The following CCNY variants were observed in gnomAD, a reference collection of about 807,000 sequenced individuals.
CCNY encodes the protein cyclin-Y.
CCNY carries 19 observed loss-of-function variants against 42.8 expected under a neutral mutation model. The ratio of observed to expected loss-of-function variants is 0.44; its 90% confidence interval spans 0.31 to 0.65. CCNY has a LOEUF of 0.65. CCNY is among the 30% of genes least tolerant of loss of function. The probability of loss-of-function intolerance (pLI) is 0.07; values close to 1 mark genes in which losing one functional copy is unlikely to be tolerated. For missense variants in CCNY, 370 were observed against 437.3 expected, an observed-to-expected ratio of 0.85 and a Z score of 1.37; for synonymous variants, 165 against 162.7, an observed-to-expected ratio of 1.01 and a Z score of -0.11.
chr10:35,292,963 A>T (rs1835432107), intron 3 of CCNY, among the ~76,000 whole-genome samples: 3 of 151,126 alleles, frequency 2.0e-5, no homozygotes, highest in Non-Finnish European at 4.4e-5. Context: ...TATTTTTATT[A>T]AAGACAGGGT....
At chr10:35,511,959 A>G (rs1840333728) in intron 3 of CCNY, among the ~76,000 whole-genome samples, 1 of 152,226 alleles carries the variant, frequency 6.6e-6, no homozygotes. Flanking sequence ...TGACAGTAGC[A>G]CTTGAAGAAG....
intron 3 of CCNY, among the ~76,000 whole-genome samples, chr10:35,507,709 G>A (rs1042262068): frequency 2.6e-5 from 4 of 151,932 alleles, no homozygotes; most frequent in African/African-American, 4.8e-5. Context: ...TGGCATGCAC[G>A]CTCTATGTCC....
intron 8 of CCNY, among the ~76,000 whole-genome samples, chr10:35,558,887 C>T (rs2135457457): frequency 1.3e-5 from 2 of 152,298 alleles, no homozygotes; most frequent in South Asian, 4.1e-4. Flanking sequence ...TAGCCCTAGC[C>T]AACTAATACA....
intron 3 of CCNY, among the ~76,000 whole-genome samples, chr10:35,287,621 T>C (rs1011312131): frequency 2.0e-5 from 3 of 152,196 alleles, no homozygotes; most frequent in Non-Finnish European, 2.9e-5. Flanking sequence ...TCACTCAGCA[T>C]AATATTTTTG....
chr10:35,487,775 T>C (rs1299763722), intron 2 of CCNY, among the ~76,000 whole-genome samples: 1 of 152,136 alleles, frequency 6.6e-6, no homozygotes, highest in African/African-American at 2.4e-5. Flanking sequence ...GAGGATGACA[T>C]TGCAGACTTT....
intron 1 of CCNY, among the ~76,000 whole-genome samples, chr10:35,375,910 T>G (rs1047270489): frequency 6.6e-6 from 1 of 151,832 alleles, no homozygotes; most frequent in African/African-American, 2.4e-5. Flanking sequence ...AGGGTGAGAA[T>G]AGAGTGGTGG....
chr10:35,291,277 G>A (rs1176153810), intron 3 of CCNY, among the ~76,000 whole-genome samples: 1 of 152,088 alleles, frequency 6.6e-6, no homozygotes, highest in Admixed American at 6.6e-5. Context: ...ATAGTGCTGG[G>A]ATTACAGGTG....
At chr10:35,416,155 G>A (rs533847371) in intron 1 of CCNY, among the ~76,000 whole-genome samples, 2 of 145,430 alleles carry the variant, frequency 1.4e-5, no homozygotes, top group South Asian at 2.2e-4. Flanking sequence ...GAAACTTGTG[G>A]CACCCGTGTG....
chr10:35,336,107 CAAAA>C (rs1335597007), upstream of CCNY: 3 of 152,276 alleles, frequency 2.0e-5, no homozygotes, highest in East Asian at 5.8e-4. Flanking sequence ...AATAAAAAGA[CAAAA>C]AGAGCCAGCC....
intron 3 of CCNY, among the ~76,000 whole-genome samples, chr10:35,509,405 A>G (rs533767493): frequency 2.6e-4 from 40 of 152,116 alleles, no homozygotes; most frequent in Non-Finnish European, 4.3e-4. Context: ...CCTCCTGAGT[A>G]GCTGGGATTA....
intron 1 of CCNY, among the ~76,000 whole-genome samples, chr10:35,396,677 T>C (rs1167300813): frequency 1.3e-5 from 2 of 152,204 alleles, no homozygotes; most frequent in Non-Finnish European, 2.9e-5. Flanking sequence ...TCAGGGACGC[T>C]TCCCATGAGA....
intron 1 of CCNY, among the ~76,000 whole-genome samples, chr10:35,364,311 AG>A (rs1836763826): frequency 6.6e-6 from 1 of 152,272 alleles, no homozygotes; most frequent in Admixed American, 6.5e-5. Context: ...ATTTAACAAA[AG>A]CTTCTTTTTG....
At chr10:35,426,426 A>G (rs1838275507) in intron 1 of CCNY, among the ~76,000 whole-genome samples, 1 of 152,194 alleles carries the variant, frequency 6.6e-6, no homozygotes, top group African/African-American at 2.4e-5. Context: ...AAAACACCAC[A>G]GTTCAAACTC....
intron 1 of CCNY, chr10:35,434,147 G>A (rs899324152): frequency 5.3e-5 from 8 of 152,314 alleles, no homozygotes; most frequent in East Asian, 1.9e-4. Context: ...GCATGAAGGC[G>A]GATGAGGCCC....
At position 35,261,340 on chromosome 10, in the gene CCNY, C is replaced by T. The variant is rs112171241; in HGVS notation, c.-9+10714C>T. Reference sequence around the variant, plus strand: ...GCAACCTCCGCCTTCTGGGTTCAAGCGATTTTGCTGCCTCAGCTTCCCAAG... The same window carrying T: ...GCAACCTCCGCCTTCTGGGTTCAAGTGATTTTGCTGCCTCAGCTTCCCAAG... On this transcript the variant is annotated intron_variant, in intron 3 of 11. Coordinates refer to the CCNY transcript ENST00000374706. 1.6e-4 allele frequency among the ~76,000 whole-genome samples: 24 copies of T among 150,484 alleles called. 1 individual carries two copies. The highest frequency in any genetic ancestry group is 4.2e-4 in the South Asian group (2 of 4,762).
intron 5 of CCNY, among the ~76,000 whole-genome samples, chr10:35,528,291 C>A (rs1387788416): frequency 1.3e-5 from 2 of 152,322 alleles, no homozygotes; most frequent in Non-Finnish European, 2.9e-5. Context: ...CTGCTTTTTG[C>A]TCACAGACTA....
At chr10:35,408,930 C>T (rs561674074) in intron 1 of CCNY, among the ~76,000 whole-genome samples, 3 of 151,694 alleles carry the variant, frequency 2.0e-5, no homozygotes, top group African/African-American at 7.3e-5. Flanking sequence ...CTCCCATTAC[C>T]CTGCTCAATT....
At chr10:35,303,368 C>A (rs1251773327) in intron 3 of CCNY, among the ~76,000 whole-genome samples, 2 of 151,412 alleles carry the variant, frequency 1.3e-5, no homozygotes, top group African/African-American at 4.8e-5. Context: ...TCAGTAGAGA[C>A]GGGGTTTCTC....
At chr10:35,372,989 T>C (rs562967062) in intron 1 of CCNY, among the ~76,000 whole-genome samples, 37 of 152,362 alleles carry the variant, frequency 2.4e-4, no homozygotes, top group African/African-American at 8.2e-4. Flanking sequence ...TGAGGCACCA[T>C]GCCTGGCCAG....
Sources: allele counts gnomAD v4.1 joint callset (sites outside exome capture counted in the v4.1 genomes callset), GRCh38; gene constraint gnomAD v4.1.1; transcripts MANE v1.5; gene names NCBI Gene and HGNC (gene_info 2026-07-23, HGNC 2026-07-21).